Variants in LRBA observed in about 807,000 individuals in gnomAD.
LRBA encodes lipopolysaccharide-responsive and beige-like anchor protein.
A neutral mutation model predicts 330.0 loss-of-function variants in LRBA; 176 were observed. The ratio of observed to expected loss-of-function variants is 0.53; its 90% CI spans 0.47 to 0.60. LRBA has a LOEUF of 0.60. Among genes scored for constraint, LRBA ranks in the 20% least tolerant of loss-of-function variants. The pLI is 0.00. For missense variants in LRBA, 3,259 were observed against 3,444.8 expected (o/e 0.95, Z 1.35); for synonymous variants, 1,230 against 1,193.0 (o/e 1.03, Z -0.64).
intron 40 of LRBA, among the ~76,000 whole-genome samples, chr4:150,513,272 G>A (rs541872503): frequency 1.1e-4 from 16 of 152,324 alleles, no homozygotes; most frequent in Admixed American, 9.1e-4. Flanking sequence ...TTTCAAGGAT[G>A]TTTGCATAAT....
chr4:150,916,268 T>C, intron 7 of LRBA, 133 bp downstream of exon 7: 1 of 832,816 alleles, frequency 1.2e-6, no homozygotes. Flanking sequence ...TTCAGTGATT[T>C]ACGCTTCATC....
At chr4:150,400,668 A>C (rs1745338813) in intron 47 of LRBA, among the ~76,000 whole-genome samples, 1 of 152,108 alleles carries the variant, frequency 6.6e-6, no homozygotes, top group Non-Finnish European at 1.5e-5. Flanking sequence ...AGCCTGAGCA[A>C]ACATTAGGAG....
intron 35 of LRBA, among the ~76,000 whole-genome samples, chr4:150,746,734 T>C (rs1732786472): frequency 6.6e-6 from 1 of 152,036 alleles, no homozygotes; most frequent in African/African-American, 2.4e-5. Context: ...ATGGTCTTGA[T>C]TTCCTGACCT....
chr4:150,558,367 C>T (rs1767603973), intron 40 of LRBA, among the ~76,000 whole-genome samples: 1 of 152,134 alleles, frequency 6.6e-6, no homozygotes, highest in Non-Finnish European at 1.5e-5. Flanking sequence ...CTATTTATTT[C>T]AGTATGGACT....
In LRBA at chr4:150,277,915, C is replaced by G. The variant is rs375863683; in HGVS notation, c.8406G>C (p.Gln2802His). 1 of 1,614,136 alleles carries G rather than the reference C, an allele frequency of 6.2e-7. No individual in the cohort carries two copies. The highest frequency in any genetic ancestry group is 8.5e-7 in the Non-Finnish European group (1 of 1,180,030). Reference sequence around the variant, plus strand: ...CGTCACATCCTGGATAGGCAAAGAGCTGCTTGAGGTCCGACACCTGCCGGA... The same window carrying G: ...CGTCACATCCTGGATAGGCAAAGAGGTGCTTGAGGTCCGACACCTGCCGGA... Reference protein sequence around the residue: ...VVVRQVSDLKQLFAYPGCDAG... With the variant: ...VVVRQVSDLKHLFAYPGCDAG... Residue 2802 changes from glutamine to histidine, a missense_variant, in exon 56 of 57, where the codon CAG becomes CAC. Coordinates refer to ENST00000651943, the MANE Select transcript of LRBA (RefSeq NM_001364905.1).
At chr4:150,685,360 G>A (rs1783450064) in intron 36 of LRBA, among the ~76,000 whole-genome samples, 1 of 113,002 alleles carries the variant, frequency 8.8e-6, no homozygotes. Flanking sequence ...CCTTTGCATG[G>A]TGTATATGTA....
intron 43 of LRBA, among the ~76,000 whole-genome samples, chr4:150,470,034 T>G (rs1207690035): frequency 6.6e-6 from 1 of 151,524 alleles, no homozygotes; most frequent in East Asian, 1.9e-4. Flanking sequence ...AATACAAAAA[T>G]TAGCCGGGTG....
At chr4:150,536,620 G>A (rs989992796) in intron 40 of LRBA, among the ~76,000 whole-genome samples, 2 of 152,166 alleles carry the variant, frequency 1.3e-5, no homozygotes, top group Non-Finnish European at 2.9e-5. Flanking sequence ...TCCATGAACA[G>A]TATAAAACAA....
chr4:150,350,268 ATT>A, intron 47 of LRBA, 109 bp from the exon 48 acceptor site: 1 of 919,922 alleles, frequency 1.1e-6, no homozygotes, highest in Non-Finnish European at 1.6e-6. Context: ...GTGAACAAAG[ATT>A]TTTAAAAAAC....
chr4:150,893,833 G>A (rs1044810734), intron 16 of LRBA, among the ~76,000 whole-genome samples: 1 of 151,764 alleles, frequency 6.6e-6, no homozygotes, highest in Admixed American at 6.6e-5. Flanking sequence ...CCACCACCAC[G>A]CCCGGCTAAT....
At chr4:150,704,814 C>A (rs1440725675) in intron 36 of LRBA, among the ~76,000 whole-genome samples, 1 of 152,036 alleles carries the variant, frequency 6.6e-6, no homozygotes, top group Non-Finnish European at 1.5e-5. Flanking sequence ...TTGTTAAATT[C>A]AGTCTATTTA....
At chr4:150,265,839 T>G in intron 56 of LRBA, 27 bp from the exon 57 acceptor site, 1 of 1,401,156 alleles carries the variant, frequency 7.1e-7, no homozygotes, top group East Asian at 2.3e-5. Flanking sequence ...GAGAAGGACT[T>G]TTACAAACCT....
chr4:150,354,589 T>C lies in LRBA; in HGVS notation c.7195-4430A>G, dbSNP rs149281140. Among the ~76,000 whole-genome samples, 26 of 152,216 alleles carry C rather than the reference T, an allele frequency of 1.7e-4. No homozygotes were observed. The East Asian group carries it at 4.4e-3, about 26-fold the overall frequency. On this transcript the variant is annotated intron_variant, in intron 47 of 56. Transcript: ENST00000651943. Reference sequence around the variant, plus strand: ...CTCATCTGAGTTATTATAAAATAAATCAGTGACTAATGTCCAATTGTTAAG... The same window carrying C: ...CTCATCTGAGTTATTATAAAATAAACCAGTGACTAATGTCCAATTGTTAAG...
intron 17 of LRBA, among the ~76,000 whole-genome samples, chr4:150,888,214 G>A (rs960504616): frequency 6.6e-6 from 1 of 152,142 alleles, no homozygotes; most frequent in African/African-American, 2.4e-5. Flanking sequence ...TCCTTGGAGA[G>A]TGAAGGTCAA....
chr4:150,949,847 CA>C (rs924380505), intron 2 of LRBA, among the ~76,000 whole-genome samples: 3 of 148,768 alleles, frequency 2.0e-5, no homozygotes, highest in African/African-American at 4.9e-5. Context: ...CTACTCCAGC[CA>C]AAAAAAAATC....
At chr4:150,479,154 C>T (rs1303101656) in intron 42 of LRBA, among the ~76,000 whole-genome samples, 1 of 151,992 alleles carries the variant, frequency 6.6e-6, no homozygotes, top group Non-Finnish European at 1.5e-5. Flanking sequence ...GTATCATGTG[C>T]CTACAGTCCC....
At chr4:150,369,675 T>C (rs1454978577) in intron 47 of LRBA, among the ~76,000 whole-genome samples, 3 of 40,884 alleles carry the variant, frequency 7.3e-5, no homozygotes, top group Non-Finnish European at 3.1e-4. Context: ...ACTATCAAAC[T>C]TTTTGACAGA....
chr4:150,953,394 AC>A (rs1737083904), intron 2 of LRBA, among the ~76,000 whole-genome samples: 8 of 80,396 alleles, frequency 1.0e-4, no homozygotes, highest in Admixed American at 5.9e-4. Flanking sequence ...CCCTCTTTGC[AC>A]GGTCTCCCTC....
chr4:150,646,955 G>A (rs1779200475), intron 37 of LRBA, among the ~76,000 whole-genome samples: 1 of 152,034 alleles, frequency 6.6e-6, no homozygotes. Context: ...TTTCAGAAAA[G>A]AGATATTCAG....
Sources: allele counts gnomAD v4.1 joint callset (sites outside exome capture counted in the v4.1 genomes callset), GRCh38; gene constraint gnomAD v4.1.1; transcripts MANE v1.5; gene names NCBI Gene and HGNC (gene_info 2026-07-23, HGNC 2026-07-21).